PCDH17: variants seen among roughly 807,000 people sequenced by gnomAD.
PCDH17 encodes the protein protocadherin-17.
PCDH17 carries 21 observed loss-of-function variants against 67.7 expected under a neutral mutation model. The observed-to-expected ratio is 0.31, with a 90% confidence interval of 0.22 to 0.45. The LOEUF (loss-of-function observed/expected upper bound fraction) is 0.45, where lower values mean the gene tolerates loss of function less well. Ranked by LOEUF, PCDH17 falls within the 20% of genes least tolerant of loss-of-function variation. The pLI, the probability that PCDH17 is intolerant of heterozygous loss-of-function variation, is 1.00. For missense variants in PCDH17, 1,471 were observed against 1,564.8 expected (o/e 0.94, Z 1.01); for synonymous variants, 701 against 656.7 (o/e 1.07, Z -1.03).
At chr13:57,689,592 A>G (rs1249052000) in intron 3 of PCDH17, among the ~76,000 whole-genome samples, 3 of 152,074 alleles carry the variant, frequency 2.0e-5, no homozygotes, top group Non-Finnish European at 2.9e-5. Flanking sequence ...TCAAATTTAC[A>G]TAGACCTTTA....
chr13:57,688,360 G>A (rs1434695971), intron 3 of PCDH17, among the ~76,000 whole-genome samples: 1 of 151,906 alleles, frequency 6.6e-6, no homozygotes, highest in Non-Finnish European at 1.5e-5. Context: ...GTGTTTGTGT[G>A]TGTTAAGTGT....
At chr13:57,718,919 A>C (rs1281681185) in intron 3 of PCDH17, among the ~76,000 whole-genome samples, 1 of 152,016 alleles carries the variant, frequency 6.6e-6, no homozygotes, top group East Asian at 1.9e-4. Context: ...TTAACAGAAA[A>C]CTATTACTGA....
intron 3 of PCDH17, among the ~76,000 whole-genome samples, chr13:57,681,906 T>C (rs182942033): frequency 2.0e-5 from 3 of 151,946 alleles, no homozygotes; most frequent in East Asian, 2.0e-4. Flanking sequence ...TTCCAAGATA[T>C]CTACATTATA....
chr13:57,644,425 A>G (rs1400547556), intron 1 of PCDH17, among the ~76,000 whole-genome samples: 1 of 151,518 alleles, frequency 6.6e-6, no homozygotes, highest in Admixed American at 6.6e-5. Flanking sequence ...ACTTTCCACG[A>G]TTTTTTATAA....
chr13:57,681,703 A>G (rs1955451952), intron 3 of PCDH17, among the ~76,000 whole-genome samples: 1 of 151,816 alleles, frequency 6.6e-6, no homozygotes, highest in African/African-American at 2.4e-5. Flanking sequence ...GCTTATTAAT[A>G]TATAGCCACT....
chr13:57,721,147 T>C (rs1790210935), intron 3 of PCDH17, among the ~76,000 whole-genome samples: 1 of 152,126 alleles, frequency 6.6e-6, no homozygotes, highest in African/African-American at 2.4e-5. Context: ...TAAACATGCT[T>C]ATCTGTGAGT....
intron 3 of PCDH17, among the ~76,000 whole-genome samples, chr13:57,671,724 A>G (rs899758739): frequency 3.5e-4 from 53 of 152,052 alleles, no homozygotes; most frequent in Admixed American, 3.1e-3. Context: ...ATAGTTCCCA[A>G]TTTTCCAAGG....
chr13:57,672,786 T>G (rs1955338208), intron 3 of PCDH17, among the ~76,000 whole-genome samples: 1 of 152,000 alleles, frequency 6.6e-6, no homozygotes, highest in Non-Finnish European at 1.5e-5. Context: ...GTCGAGATCT[T>G]TTCCCAGACC....
intron 3 of PCDH17, among the ~76,000 whole-genome samples, chr13:57,683,541 T>C (rs1955478308): frequency 6.6e-6 from 1 of 151,870 alleles, no homozygotes; most frequent in Non-Finnish European, 1.5e-5. Context: ...CTTTAACTGA[T>C]ATTGTACTAT....
chr13:57,652,422 T>A (rs928922628), intron 1 of PCDH17, among the ~76,000 whole-genome samples: 2 of 152,216 alleles, frequency 1.3e-5, no homozygotes, highest in Non-Finnish European at 1.5e-5. Context: ...GTTAGATGAT[T>A]TTAAGAGTGA....
At chr13:57,673,649 T>C (rs1208387097) in intron 3 of PCDH17, among the ~76,000 whole-genome samples, 18 of 151,962 alleles carry the variant, frequency 1.2e-4, no homozygotes, top group Non-Finnish European at 1.5e-5. Context: ...TACTGTCATA[T>C]ATGGGGGACA....
At chr13:57,687,297 A>G (rs1282349710) in intron 3 of PCDH17, among the ~76,000 whole-genome samples, 2 of 152,088 alleles carry the variant, frequency 1.3e-5, no homozygotes, top group African/African-American at 4.8e-5. Context: ...GTGATCAGGA[A>G]AACACCAGCA....
Position 57,658,488 on chromosome 13 carries a change from T to C in PCDH17, c.2566-7980T>C, listed in dbSNP as rs182772036. Among the ~76,000 whole-genome samples the C allele has an allele frequency of 1.3e-3, 202 of 152,294 alleles. 1 individual carries two copies. The highest frequency in any genetic ancestry group is 6.0e-3 in the South Asian group (29 of 4,826). ...TATTAGTTAATCCTATCATCACTCATCCCTGAGTCTGTTTTTATTGATTTT... is the reference window on the plus strand; with the variant it reads ...TATTAGTTAATCCTATCATCACTCACCCCTGAGTCTGTTTTTATTGATTTT... On this transcript the variant is annotated intron_variant, in intron 1 of 3. Transcript: ENST00000377918.
chr13:57,718,102 G>A (rs920815681), intron 3 of PCDH17, among the ~76,000 whole-genome samples: 1 of 151,996 alleles, frequency 6.6e-6, no homozygotes, highest in South Asian at 2.1e-4. Context: ...GAAACAACAT[G>A]TATCCCTGTG....
intron 3 of PCDH17, among the ~76,000 whole-genome samples, chr13:57,693,426 G>A (rs1333657646): frequency 1.4e-5 from 2 of 145,546 alleles, no homozygotes; most frequent in East Asian, 2.0e-4. Flanking sequence ...ATTTTACACT[G>A]CTCTTTCATA....
At chr13:57,663,632 G>C (rs1029944743) in intron 1 of PCDH17, among the ~76,000 whole-genome samples, 1 of 152,100 alleles carries the variant, frequency 6.6e-6, no homozygotes. Context: ...TGGCTATTAC[G>C]TTATGGTAAT....
In PCDH17 at chr13:57,727,874, A is replaced by G. The variant is rs1593957277; in HGVS notation, c.*2580A>G. Reference sequence around the variant, plus strand: ...TAAAATCTAAAGCAGTATGTAAATGAAACCAGCAAAGAGAGTAGGGTTTAT... The same window carrying G: ...TAAAATCTAAAGCAGTATGTAAATGGAACCAGCAAAGAGAGTAGGGTTTAT... On this transcript the variant is annotated 3_prime_UTR_variant, in exon 4 of 4. Coordinates refer to ENST00000377918, the MANE Select transcript of PCDH17 (RefSeq NM_001040429.3). 6.5e-6 allele frequency: 1 copy of G among 152,690 alleles called. No individual in the cohort carries two copies. Among genetic ancestry groups the G allele is most frequent in the East Asian group, 1.9e-4 (1 of 5,180 alleles). 9.5% of individuals were successfully genotyped at this position (152,690 alleles called of 1,614,324 possible). A position where few individuals can be genotyped will look rare whatever the true frequency, so the allele number is the denominator to read the frequency against.
Position 57,634,595 on chromosome 13 carries a change from G to T in PCDH17, c.2049G>T (p.Ser683=), listed in dbSNP as rs972459527. Residue 683 remains serine, a synonymous_variant, in exon 1 of 4, where the codon TCG becomes TCT. Coordinates refer to ENST00000377918, the MANE Select transcript of PCDH17 (RefSeq NM_001040429.3). The surrounding 1 kb of genome is among the most constrained non-coding windows in gnomAD (Gnocchi z 7.8). The part of the protein sequence containing the change: ...LSAVAKLIIR[S]VSGSLPEGVP... ...CAGTGGCCAAGCTCATCATCCGCTC[G>T]GTGAGCGGATCCCTTCCCGAGGGGG... 1.2e-6 allele frequency: 2 copies of T among 1,613,350 alleles called. No homozygotes were observed. Among genetic ancestry groups the T allele is most frequent in the Middle Eastern group, 1.7e-4 (1 of 6,060 alleles).
intron 3 of PCDH17, among the ~76,000 whole-genome samples, chr13:57,686,623 G>C (rs897116149): frequency 1.3e-5 from 2 of 151,850 alleles, no homozygotes; most frequent in Non-Finnish European, 2.9e-5. Flanking sequence ...GCAATTAGAT[G>C]GATATGACAT....
Sources: gnomAD v4.1 joint callset for allele counts (sites outside exome capture counted in the v4.1 genomes callset) on GRCh38, gnomAD v4.1.1 for gene constraint, Gnocchi (gnomAD v3.1) non-coding constraint, MANE v1.5 for transcripts, NCBI Gene and HGNC (gene_info 2026-07-23, HGNC 2026-07-21) for gene names.